The following CREB5 variants were observed in gnomAD, a reference collection of about 807,000 sequenced individuals.
CREB5 encodes cyclic AMP-responsive element-binding protein 5.
A neutral mutation model predicts 57.1 loss-of-function variants in CREB5; 19 were observed. The observed-to-expected ratio is 0.33, with a 90% CI of 0.23 to 0.49. CREB5 has a LOEUF of 0.49. Ranked by LOEUF, CREB5 falls within the 20% of genes least tolerant of loss-of-function variation. The pLI is 0.99. For synonymous variants in CREB5, 238 were observed against 238.3 expected (o/e 1.00, Z 0.01); for missense variants, 579 against 671.6 (o/e 0.86, Z 1.52).
chr7:28,793,077 C>T lies in CREB5; in HGVS notation c.703-11122C>T, dbSNP rs189218418. On this transcript the variant is annotated intron_variant, in intron 7 of 10. Transcript: ENST00000357727. ...CTTAAGAATCAGAGAGTATTGCAAT[C>T]CCTCTCTCTCTCTCACTTCCCCTAA... 8.2e-4 allele frequency among the ~76,000 whole-genome samples: 125 copies of T among 152,194 alleles called. 1 individual carries two copies. The Middle Eastern group carries it at 0.01, about 12-fold the overall frequency.
chr7:28,676,123 C>T (rs1800310838), intron 5 of CREB5, among the ~76,000 whole-genome samples: 2 of 152,034 alleles, frequency 1.3e-5, no homozygotes, highest in African/African-American at 4.8e-5. Flanking sequence ...GGCTTGGTGG[C>T]CCTAGGCTAG....
chr7:28,612,543 GGTGT>G (rs59074697), intron 5 of CREB5, among the ~76,000 whole-genome samples: 27,181 of 137,022 alleles, frequency 0.2, 2,876 homozygotes, highest in African/African-American at 0.29. Flanking sequence ...TTAGAGAAGG[GGTGT>G]GTGTGTGTGT....
chr7:28,612,808 G>A (rs759095336), intron 5 of CREB5, among the ~76,000 whole-genome samples: 59 of 152,240 alleles, frequency 3.9e-4, no homozygotes, highest in South Asian at 2.1e-4. Context: ...ATGTTGAATT[G>A]TTATTAGTCG....
chr7:28,536,002 G>A (rs901434997), intron 4 of CREB5, among the ~76,000 whole-genome samples: 3 of 152,184 alleles, frequency 2.0e-5, no homozygotes, highest in African/African-American at 7.2e-5. Flanking sequence ...GCCCAGAGCT[G>A]TAAATGGGTC....
chr7:28,313,081 A>G (rs984790848), intron 1 of CREB5, among the ~76,000 whole-genome samples: 3 of 152,312 alleles, frequency 2.0e-5, no homozygotes, highest in Non-Finnish European at 4.4e-5. Context: ...AGAGTGCTGA[A>G]CCTCAATCCC....
At chr7:28,500,682 C>T (rs1045881307) in intron 3 of CREB5, among the ~76,000 whole-genome samples, 4 of 152,176 alleles carry the variant, frequency 2.6e-5, no homozygotes, top group Non-Finnish European at 4.4e-5. Flanking sequence ...AACTGAGATC[C>T]ATTGCTCATG....
chr7:28,788,881 A>G (rs1489041464), intron 7 of CREB5, among the ~76,000 whole-genome samples: 4 of 151,648 alleles, frequency 2.6e-5, no homozygotes, highest in Non-Finnish European at 5.9e-5. Flanking sequence ...TCAGTACATC[A>G]CAGCCCACGC....
chr7:28,809,969 AT>A (rs1331952647), intron 9 of CREB5, among the ~76,000 whole-genome samples: 2 of 152,182 alleles, frequency 1.3e-5, no homozygotes, highest in African/African-American at 4.8e-5. Flanking sequence ...GTTGATGGTC[AT>A]TATGTAGCTC....
intron 4 of CREB5, among the ~76,000 whole-genome samples, chr7:28,560,947 T>TGCGTGC (rs1562798055): frequency 0.028 from 591 of 21,094 alleles, 34 homozygotes; most frequent in African/African-American, 0.099. Context: ...CGTGCGTGTG[T>TGCGTGC]GTGCGTGTGT....
intron 1 of CREB5, among the ~76,000 whole-genome samples, chr7:28,420,329 T>A (rs1788190899): frequency 6.6e-6 from 1 of 152,170 alleles, no homozygotes; most frequent in Non-Finnish European, 1.5e-5. Flanking sequence ...TAAGAGTAAA[T>A]CATGTGGCTG....
At chr7:28,310,085 G>A (rs767942733) in intron 1 of CREB5, among the ~76,000 whole-genome samples, 1 of 152,140 alleles carries the variant, frequency 6.6e-6, no homozygotes, top group Non-Finnish European at 1.5e-5. Context: ...CTAGACATTG[G>A]AGGGTGGACA....
At chr7:28,488,138 T>A in intron 1 of CREB5, 37 bp from the exon 2 acceptor site, 1 of 1,593,428 alleles carries the variant, frequency 6.3e-7, no homozygotes, top group Non-Finnish European at 8.6e-7. Flanking sequence ...ATTCATGGAT[T>A]TCTTTTTCCT....
At chr7:28,572,061 G>C (rs1244051093) in intron 5 of CREB5, among the ~76,000 whole-genome samples, 1 of 152,156 alleles carries the variant, frequency 6.6e-6, no homozygotes, top group African/African-American at 2.4e-5. Flanking sequence ...AAGAATTCCA[G>C]ACCTGCAGGG....
intron 5 of CREB5, among the ~76,000 whole-genome samples, chr7:28,706,106 A>G (rs554298979): frequency 3.2e-3 from 487 of 152,296 alleles, no homozygotes; most frequent in African/African-American, 0.011. Flanking sequence ...TGTAATCCCA[A>G]CACTTTGGGA....
At chr7:28,354,651 G>A (rs1786304389) in intron 1 of CREB5, among the ~76,000 whole-genome samples, 1 of 152,180 alleles carries the variant, frequency 6.6e-6, no homozygotes, top group Admixed American at 6.5e-5. Context: ...TGCAGTGCCA[G>A]GGCCCTCCCT....
chr7:28,507,770 G>T, intron 4 of CREB5, 33 bp downstream of exon 4: 6 of 1,569,744 alleles, frequency 3.8e-6, no homozygotes, highest in Non-Finnish European at 5.2e-6. Context: ...CTTGAGAGGT[G>T]TCCTGCTAGA....
At chr7:28,679,637 C>T (rs1238482925) in intron 5 of CREB5, among the ~76,000 whole-genome samples, 1 of 152,176 alleles carries the variant, frequency 6.6e-6, no homozygotes, top group African/African-American at 2.4e-5. Context: ...GGAAAATCTT[C>T]CTGGTCAGAA....
chr7:28,817,056 T>C (rs984039767), intron 9 of CREB5, among the ~76,000 whole-genome samples: 3 of 152,194 alleles, frequency 2.0e-5, no homozygotes, highest in African/African-American at 7.2e-5. Flanking sequence ...TGTGAATTAA[T>C]ATTAACAGAT....
chr7:28,306,766 T>A (rs957679609), intron 1 of CREB5, among the ~76,000 whole-genome samples: 25 of 152,212 alleles, frequency 1.6e-4, no homozygotes, highest in African/African-American at 6.0e-4. Flanking sequence ...TTTCACCGTG[T>A]TAGCCGGGAT....
Sources: allele counts gnomAD v4.1 joint callset (sites outside exome capture counted in the v4.1 genomes callset), GRCh38; gene constraint gnomAD v4.1.1; transcripts MANE v1.5; gene names NCBI Gene and HGNC (gene_info 2026-07-23, HGNC 2026-07-21).